Variants in MAP7D2 observed in about 807,000 individuals in gnomAD.
MAP7D2 encodes the protein MAP7 domain-containing protein 2.
In MAP7D2, 33 loss-of-function variants were observed where a neutral mutation model predicts 63.5. The observed-to-expected ratio is 0.52, with a 90% CI of 0.39 to 0.70. The LOEUF (loss-of-function observed/expected upper bound fraction) is 0.70. Ranked by LOEUF, MAP7D2 falls within the 30% of genes least tolerant of loss-of-function variation. The probability of loss-of-function intolerance (pLI) is 0.00; values close to 1 mark genes in which losing one functional copy is unlikely to be tolerated. For synonymous variants in MAP7D2, 224 were observed against 223.7 expected (o/e 1.00, Z -0.01); for missense variants, 626 against 604.0 (o/e 1.04, Z -0.38).
intron 3 of MAP7D2, among the ~76,000 whole-genome samples, chrX:20,059,892 G>A (rs1445526520): frequency 2.7e-5 from 3 of 111,529 alleles, no homozygotes; most frequent in Non-Finnish European, 5.7e-5. Context: ...AGGTGACCCC[G>A]CTGAACTGGC....
At chrX:20,102,980 G>A (rs1426047914) in intron 1 of MAP7D2, among the ~76,000 whole-genome samples, 7 of 111,170 alleles carry the variant, frequency 6.3e-5, no homozygotes, top group Non-Finnish European at 1.1e-4. Context: ...GTCTGAGGCC[G>A]CAGTTTGTAA....
chrX:20,035,933 T>C (rs1204633959), intron 8 of MAP7D2, among the ~76,000 whole-genome samples: 1 of 69,130 alleles, frequency 1.4e-5, no homozygotes, highest in African/African-American at 7.2e-5. Context: ...TATATGTGTG[T>C]GTGTGTGTGT....
At chrX:20,079,121 G>T (rs759439122) in intron 1 of MAP7D2, among the ~76,000 whole-genome samples, 1 of 111,184 alleles carries the variant, frequency 9.0e-6, no homozygotes, top group Non-Finnish European at 1.9e-5. Context: ...CCAAAGCTAT[G>T]AAGAATAACC....
At chrX:20,078,974 ACT>A (rs1231548034) in intron 1 of MAP7D2, among the ~76,000 whole-genome samples, 2 of 109,409 alleles carry the variant, frequency 1.8e-5, no homozygotes, top group African/African-American at 6.6e-5. Context: ...ATTTGCCAAA[ACT>A]CATCAAACAG....
intron 8 of MAP7D2, among the ~76,000 whole-genome samples, chrX:20,029,976 G>T (rs981828055): frequency 8.9e-6 from 1 of 112,109 alleles, no homozygotes; most frequent in African/African-American, 3.2e-5. Flanking sequence ...AAACCACAAG[G>T]CTGGTATGTC....
At chrX:20,044,638 A>C in intron 6 of MAP7D2, 114 bp from the exon 7 acceptor site, 12 of 652,438 alleles carry the variant, frequency 1.8e-5, no homozygotes, top group Non-Finnish European at 2.9e-5. Context: ...AATCAATATC[A>C]TACTTTTCTA....
intron 4 of MAP7D2, among the ~76,000 whole-genome samples, chrX:20,054,918 C>T (rs2065035668): frequency 8.9e-6 from 1 of 112,313 alleles, no homozygotes; most frequent in Non-Finnish European, 1.9e-5. Flanking sequence ...CCAGTGCCCA[C>T]ACTAGAGGTA....
At chrX:20,083,969 G>A (rs2065839327) in intron 1 of MAP7D2, among the ~76,000 whole-genome samples, 1 of 111,385 alleles carries the variant, frequency 9.0e-6, no homozygotes, top group African/African-American at 3.3e-5. Context: ...GGGAGGCTGA[G>A]ACGAGTGGAT....
intron 3 of MAP7D2, 96 bp from the exon 4 acceptor site, chrX:20,056,887 G>C: frequency 2.6e-6 from 2 of 775,379 alleles, no homozygotes; most frequent in Non-Finnish European, 3.8e-6. Flanking sequence ...TCACCAAATG[G>C]GGCTTTCTGT....
rs777975043 is a variant in MAP7D2, at chrX:20,050,872, C to T, written c.670G>A (p.Ala224Thr). The T allele has an allele frequency of 8.4e-7, 1 of 1,186,877 alleles. No homozygotes were observed. The highest frequency in any genetic ancestry group is 1.1e-6 in the Non-Finnish European group (1 of 882,254). The change falls in exon 6 of 17, where the codon GCC becomes ACC. Residue 224 changes from alanine (A) to threonine (T), a missense_variant. Ala to Thr is a moderately conservative substitution (Grantham distance 58, BLOSUM62 0). Transcript: ENST00000379643. ...AGCATGACTGAAGCTCTGCTTCTGG[C>T]TAAAGAAGACTGTGTGGGTGTCAAC... ...RLLTPTQSSLARSRASVMLSG... is the reference protein window; with the variant it reads ...RLLTPTQSSLTRSRASVMLSG...
intron 16 of MAP7D2, among the ~76,000 whole-genome samples, chrX:20,009,348 C>T (rs1171370555): frequency 1.8e-5 from 2 of 111,783 alleles, no homozygotes; most frequent in East Asian, 2.8e-4. Context: ...GAGAAAATGC[C>T]GAGAATATAA....
In MAP7D2 at chrX:20,044,131, T is replaced by G. The variant is rs147453539; in HGVS notation, c.879+233A>C. On this transcript the variant is annotated intron_variant, in intron 7 of 16. Coordinates refer to ENST00000379643, the MANE Select transcript of MAP7D2 (RefSeq NM_001168465.2). Reference sequence around the variant, plus strand: ...CTCCTGTCCTCTGGAGGGCAGGCTGTGACAAGGACATCATTAAGAATTTGC... The same window carrying G: ...CTCCTGTCCTCTGGAGGGCAGGCTGGGACAAGGACATCATTAAGAATTTGC... Among the ~76,000 whole-genome samples, 819 of 112,160 alleles carry G rather than the reference T, an allele frequency of 7.3e-3. 7 individuals carry two copies. The highest frequency in any genetic ancestry group is 0.024 in the African/African-American group (745 of 30,920).
chrX:20,018,492 G>GAGTAC (rs1197822659), intron 10 of MAP7D2, among the ~76,000 whole-genome samples: 2 of 99,964 alleles, frequency 2.0e-5, no homozygotes, highest in Non-Finnish European at 4.0e-5. Flanking sequence ...GCCCAGGCTG[G>GAGTAC]AGTACAGTGG....
intron 8 of MAP7D2, among the ~76,000 whole-genome samples, chrX:20,039,009 T>C (rs1270151310): frequency 1.8e-5 from 2 of 111,804 alleles, no homozygotes; most frequent in East Asian, 2.8e-4. Flanking sequence ...GAGTGAAACT[T>C]TGGGTCACTC....
chrX:20,081,615 A>G (rs1200158685), intron 1 of MAP7D2, among the ~76,000 whole-genome samples: 1 of 110,044 alleles, frequency 9.1e-6, no homozygotes, highest in Non-Finnish European at 1.9e-5. Context: ...TCCTAGGCTG[A>G]CAACTCTTCC....
At chrX:20,110,618 G>A (rs1239387896) in intron 1 of MAP7D2, among the ~76,000 whole-genome samples, 2 of 102,512 alleles carry the variant, frequency 2.0e-5, no homozygotes, top group African/African-American at 7.3e-5. Flanking sequence ...AGCTGAGATC[G>A]TGCCACTGTA....
intron 1 of MAP7D2, among the ~76,000 whole-genome samples, chrX:20,093,623 C>G (rs1185030318): frequency 9.0e-6 from 1 of 110,595 alleles, no homozygotes; most frequent in Non-Finnish European, 1.9e-5. Context: ...CGCCACTGCA[C>G]TCCAGCCTGG....
intron 15 of MAP7D2, 25 bp downstream of exon 15, chrX:20,012,324 T>G (rs1441390662): frequency 8.9e-7 from 1 of 1,126,192 alleles, no homozygotes; most frequent in Non-Finnish European, 1.2e-6. Context: ...GTGATGAGGC[T>G]TAAATGCAAA....
chrX:20,042,895 G>A (rs12396213), intron 7 of MAP7D2, among the ~76,000 whole-genome samples: 7,699 of 111,457 alleles, frequency 0.069, 639 homozygotes, highest in African/African-American at 0.23. Flanking sequence ...ACCATATTAC[G>A]GTCTTAGACA....
Sources: allele counts gnomAD v4.1 joint callset (sites outside exome capture counted in the v4.1 genomes callset), GRCh38; gene constraint gnomAD v4.1.1; transcripts MANE v1.5; gene names NCBI Gene and HGNC (gene_info 2026-07-23, HGNC 2026-07-21).